Variants in LTF observed in about 807,000 individuals in gnomAD.
LTF encodes lactotransferrin.
A neutral mutation model predicts 87.2 loss-of-function variants in LTF; 91 were observed. The observed-to-expected ratio is 1.04, with a 90% CI of 0.88 to 1.24. The LOEUF (loss-of-function observed/expected upper bound fraction) is 1.24. Ranked by LOEUF, LTF falls within the 50% of genes most tolerant of loss-of-function variation. The probability of loss-of-function intolerance (pLI) is 0.00; values close to 1 mark genes in which losing one functional copy is unlikely to be tolerated. For missense variants in LTF, 901 were observed against 904.3 expected, an observed-to-expected ratio of 1.00 and a Z score of 0.05; for synonymous variants, 378 against 356.1, an observed-to-expected ratio of 1.06 and a Z score of -0.69.
rs961902933 is a variant in LTF, at chr3:46,455,568, A to G, written c.500-126T>C. On this transcript the variant is annotated intron_variant, in intron 4 of 16. Transcript: ENST00000231751. Reference sequence around the variant, plus strand: ...CCACCCCTGCAGGAGAGACTCTGTCATGGGGCTGGGAGCTCGAGACATGCA... The same window carrying G: ...CCACCCCTGCAGGAGAGACTCTGTCGTGGGGCTGGGAGCTCGAGACATGCA... 3.9e-6 allele frequency: 5 copies of G among 1,281,684 alleles called. No homozygotes were observed. In the East Asian group the frequency reaches 7.5e-5, roughly 19 times the overall value. The allele number at this position is 1,281,684 out of a possible 1,614,324, so 79.4% of individuals were successfully genotyped here. A position where few individuals can be genotyped will look rare whatever the true frequency, so the allele number is the denominator to read the frequency against.
At chr3:46,475,044 C>A (rs1452437255) in intron 1 of LTF, among the ~76,000 whole-genome samples, 2 of 151,908 alleles carry the variant, frequency 1.3e-5, no homozygotes, top group Non-Finnish European at 2.9e-5. Context: ...CCTCAAGGAA[C>A]CAGAAAAGGG....
intron 1 of LTF, among the ~76,000 whole-genome samples, chr3:46,478,596 G>A (rs181800751): frequency 1.1e-3 from 173 of 152,288 alleles, no homozygotes; most frequent in Middle Eastern, 3.4e-3. Flanking sequence ...AGGATGCAAC[G>A]TAGATGCTAG....
intron 16 of LTF, among the ~76,000 whole-genome samples, chr3:46,436,501 G>T (rs960491303): frequency 6.6e-6 from 1 of 152,202 alleles, no homozygotes; most frequent in African/African-American, 2.4e-5. Context: ...TGAATCGACT[G>T]TCACATTCTC....
At chr3:46,461,149 C>T (rs556857050) in intron 1 of LTF, among the ~76,000 whole-genome samples, 2 of 152,266 alleles carry the variant, frequency 1.3e-5, no homozygotes, top group East Asian at 1.9e-4. Context: ...CTAAAACAGA[C>T]AATGACACAT....
intron 1 of LTF, among the ~76,000 whole-genome samples, chr3:46,476,096 C>T (rs1703356791): frequency 6.6e-6 from 1 of 152,090 alleles, no homozygotes; most frequent in Admixed American, 6.5e-5. Flanking sequence ...GTTTGACAAG[C>T]TTATTAAATT....
chr3:46,444,468 C>CT (rs34079335), intron 12 of LTF, among the ~76,000 whole-genome samples: 53,198 of 151,846 alleles, frequency 0.35, 9,754 homozygotes, highest in East Asian at 0.67. Context: ...AGCTCTGCCC[C>CT]ACTGAGCAAA....
intron 1 of LTF, among the ~76,000 whole-genome samples, chr3:46,481,609 G>A (rs1440184963): frequency 6.6e-6 from 1 of 152,074 alleles, no homozygotes; most frequent in East Asian, 1.9e-4. Context: ...AAATTAGCTG[G>A]GCCTGGTGGC....
intron 13 of LTF, chr3:46,441,689 A>G: frequency 3.9e-6 from 2 of 507,274 alleles, no homozygotes. Context: ...AAGACATTAC[A>G]AAACCAAGAA....
At position 46,482,707 on chromosome 3, in the gene LTF, A is replaced by AAG. The variant is rs1559614952; in HGVS notation, c.-320+2278_-320+2279insCT. ...AGGAAGGAAGGAAGGAAGGAAGGAAAGAAAGAAAGAGAAAGAAAGGAAGGA... is the reference window on the plus strand; with the variant it reads ...AGGAAGGAAGGAAGGAAGGAAGGAAAAGGAAAGAAAGAGAAAGAAAGGAAGGA... On this transcript the variant is annotated intron_variant, in intron 1 of 19. Coordinates refer to the LTF transcript ENST00000443496. Among the ~76,000 whole-genome samples, 470 of 103,122 alleles carry AAG rather than the reference A, an allele frequency of 4.6e-3. 31 individuals carry two copies. The East Asian group carries it at 0.048, about 10-fold the overall frequency. The allele number at this position is 103,122 out of a possible 152,430, so 67.7% of individuals were successfully genotyped here.
upstream of LTF, among the ~76,000 whole-genome samples, chr3:46,466,804 C>T (rs894621474): frequency 2.0e-5 from 3 of 152,226 alleles, no homozygotes; most frequent in African/African-American, 7.2e-5. Flanking sequence ...AGTGCTGAAG[C>T]ATCTTTGTAC....
intron 1 of LTF, among the ~76,000 whole-genome samples, chr3:46,482,759 GAGAAA>G (rs1703465294): frequency 1.6e-5 from 2 of 122,700 alleles, no homozygotes; most frequent in South Asian, 3.0e-4. Flanking sequence ...AAGAAGGAAA[GAGAAA>G]GAAAGAAAGA....
chr3:46,449,778 C>T, intron 8 of LTF, 76 bp downstream of exon 8: 2 of 1,528,320 alleles, frequency 1.3e-6, no homozygotes, highest in East Asian at 2.3e-5. Context: ...GGAGTGACCG[C>T]CACAAAGTAG....
chr3:46,443,120 G>A (rs1185070373), intron 13 of LTF, among the ~76,000 whole-genome samples: 1 of 152,228 alleles, frequency 6.6e-6, no homozygotes, highest in Non-Finnish European at 1.5e-5. Flanking sequence ...AAATGGAATT[G>A]TAGGAAGCAC....
At chr3:46,482,569 G>GAAA (rs1559614613) in intron 1 of LTF, among the ~76,000 whole-genome samples, 2 of 105,944 alleles carry the variant, frequency 1.9e-5, no homozygotes, top group Non-Finnish European at 4.0e-5. Flanking sequence ...GGAAGGGAAG[G>GAAA]GAAAGGAAAG....
chr3:46,436,052 C>T lies in LTF; in HGVS notation c.*143G>A, dbSNP rs1275182485. The T allele has an allele frequency of 3.6e-5, 27 of 743,968 alleles. 1 individual carries two copies. Among genetic ancestry groups the T allele is most frequent in the South Asian group, 1.3e-4 (8 of 62,822 alleles). The allele number at this position is 743,968 out of a possible 1,614,324, so 46.1% of individuals were successfully genotyped here. Reference sequence around the variant, plus strand: ...TTTCTCATTTTACTTCTTGCTAAGACGACAGCAGGGAATTGTAAGCAGATG... The same window carrying T: ...TTTCTCATTTTACTTCTTGCTAAGATGACAGCAGGGAATTGTAAGCAGATG... On this transcript the variant is annotated 3_prime_UTR_variant, in exon 17 of 17. Transcript: ENST00000231751.
rs377001717 is a variant in LTF at position 46,448,977 on chromosome 3, C to A, written c.1098G>T (p.Trp366Cys). 2.5e-5 allele frequency: 41 copies of A among 1,612,904 alleles called. No homozygotes were observed. In the South Asian group the frequency reaches 3.2e-4, roughly 13 times the overall value. Residue 366 changes from tryptophan to cysteine, a missense_variant, in exon 9 of 17, where the codon TGG (tryptophan) becomes TGT (cysteine). Physicochemically the swap from Trp to Cys is radical, Grantham distance 215. Coordinates refer to ENST00000231751, the MANE Select transcript of LTF (RefSeq NM_002343.6). ...EVAARRARVV[W>C]CAVGEQELRK... ...GCAGCTCCTGCTCGCCCACCGCACA[C>A]CACACGACCCGCGCACGCCGGGCAG...
At chr3:46,450,811 T>G in intron 6 of LTF, 138 bp from the exon 7 acceptor site, 2 of 722,568 alleles carry the variant, frequency 2.8e-6, no homozygotes, top group Admixed American at 2.5e-5. Context: ...AAGGCAGGGG[T>G]TTGCTCCAGA....
At position 46,456,396 on chromosome 3, in the gene LTF, T is replaced by A. The variant is rs768083324; in HGVS notation, c.210A>T (p.Glu70Asp). ...CAAGGGTCACAGCATCGGCCCTGTT[T>A]TCCTGAAAGTAAAGAGGCCAGACTG... Reference protein sequence around the residue: ...SPIQCIQAIAENRADAVTLDG... With the variant: ...SPIQCIQAIADNRADAVTLDG... The change falls in exon 3 of 17, where the codon GAA (glutamate) becomes GAT (aspartate). Residue 70 changes from glutamate to aspartate, a missense_variant and splice_region_variant. Glu to Asp is a conservative substitution (Grantham distance 45). Transcript: ENST00000231751. The A allele has an allele frequency of 1.9e-6, 3 of 1,613,858 alleles. No individual in the cohort carries two copies. The South Asian group carries it at 3.3e-5, about 18-fold the overall frequency.
chr3:46,479,206 G>A (rs1703400626), intron 1 of LTF, among the ~76,000 whole-genome samples: 1 of 152,234 alleles, frequency 6.6e-6, no homozygotes, highest in Admixed American at 6.5e-5. Flanking sequence ...CAGCTCTGGA[G>A]GAGGGGCAGC....
Sources: gnomAD v4.1 joint callset for allele counts (sites outside exome capture counted in the v4.1 genomes callset) on GRCh38, gnomAD v4.1.1 for gene constraint, MANE v1.5 for transcripts, NCBI Gene and HGNC (gene_info 2026-07-23, HGNC 2026-07-21) for gene names.